Variants in LDLRAD4 observed in about 807,000 individuals in gnomAD.
LDLRAD4 encodes low-density lipoprotein receptor class A domain-containing protein 4.
LDLRAD4 carries 5 observed loss-of-function variants against 17.0 expected under a neutral mutation model. The ratio of observed to expected loss-of-function variants is 0.29; its 90% CI spans 0.15 to 0.62. LDLRAD4 has a LOEUF of 0.62. Ranked by LOEUF, LDLRAD4 falls within the 20% of genes least tolerant of loss-of-function variation. The pLI is 0.84. For synonymous variants in LDLRAD4, 168 were observed against 171.8 expected (o/e 0.98, Z 0.17); for missense variants, 340 against 424.7 (o/e 0.80, Z 1.75).
At chr18:13,227,175 G>A (rs2041854828) in intron 1 of LDLRAD4, among the ~76,000 whole-genome samples, 1 of 152,166 alleles carries the variant, frequency 6.6e-6, no homozygotes, top group Non-Finnish European at 1.5e-5. Flanking sequence ...TTTCCTCCAA[G>A]GCATCAGCCC....
chr18:13,642,196 G>A, intron 4 of LDLRAD4: 1 of 985,682 alleles, frequency 1.0e-6, no homozygotes, highest in South Asian at 4.7e-5. Context: ...GGACAAACGC[G>A]GGGCTCGGTG....
chr18:13,619,608 C>T (rs1363919951), intron 3 of LDLRAD4, among the ~76,000 whole-genome samples: 4 of 152,014 alleles, frequency 2.6e-5, no homozygotes, highest in South Asian at 2.1e-4. Flanking sequence ...AAGGCTGGGC[C>T]GGGCACCAGG....
chr18:13,329,384 T>G (rs2081723034), intron 1 of LDLRAD4, among the ~76,000 whole-genome samples: 1 of 152,228 alleles, frequency 6.6e-6, no homozygotes. Context: ...TTATTTTAAT[T>G]TGCATTTATT....
chr18:13,322,307 TTTTTG>T (rs1324256487), intron 1 of LDLRAD4, among the ~76,000 whole-genome samples: 9 of 146,964 alleles, frequency 6.1e-5, no homozygotes, highest in African/African-American at 1.5e-4. Flanking sequence ...TTTTTTTTTT[TTTTTG>T]GTTTTGAGAC....
At chr18:13,325,774 A>G in intron 1 of LDLRAD4, among the ~76,000 whole-genome samples, 1 of 147,796 alleles carries the variant, frequency 6.8e-6, no homozygotes, top group African/African-American at 2.5e-5. Context: ...TTTTTTTGAG[A>G]CGGAGTCTTG....
At chr18:13,273,497 G>A (rs1413370140), upstream of LDLRAD4, among the ~76,000 whole-genome samples, 1 of 152,082 alleles carries the variant, frequency 6.6e-6, no homozygotes, top group Non-Finnish European at 1.5e-5. Flanking sequence ...ACAGGATCTT[G>A]CTATATTGCT....
intron 2 of LDLRAD4, among the ~76,000 whole-genome samples, chr18:13,412,921 G>A (rs1280512451): frequency 6.6e-6 from 1 of 152,234 alleles, no homozygotes; most frequent in East Asian, 1.9e-4. Flanking sequence ...GAAGTTCATA[G>A]TTGAAGACTG....
intron 1 of LDLRAD4, among the ~76,000 whole-genome samples, chr18:13,246,720 C>T (rs534961042): frequency 9.4e-4 from 143 of 152,278 alleles, no homozygotes; most frequent in Non-Finnish European, 1.6e-3. Flanking sequence ...CTGTGGAGTG[C>T]GCCATGTCAG....
At chr18:13,578,366 T>G (rs1366705947) in intron 3 of LDLRAD4, among the ~76,000 whole-genome samples, 1 of 152,200 alleles carries the variant, frequency 6.6e-6, no homozygotes, top group Admixed American at 6.5e-5. Flanking sequence ...AAAACTAGAT[T>G]GACTAATCTG....
chr18:13,433,814 A>T (rs1342465619), intron 2 of LDLRAD4, among the ~76,000 whole-genome samples: 2 of 152,180 alleles, frequency 1.3e-5, no homozygotes, highest in Non-Finnish European at 2.9e-5. Flanking sequence ...AAATATTAGG[A>T]CATTCCCTTT....
Position 13,546,291 on chromosome 18 carries a change from C to T in LDLRAD4, c.182-74826C>T, listed in dbSNP as rs1010655068. Among the ~76,000 whole-genome samples the T allele has an allele frequency of 2.0e-5, 3 of 152,272 alleles. No individual in the cohort carries two copies. The East Asian group carries it at 5.8e-4, about 29-fold the overall frequency. On this transcript the variant is annotated intron_variant, in intron 3 of 5. Coordinates refer to ENST00000359446, the Ensembl canonical transcript of LDLRAD4. ...CCGGGGAACCAGCAGGCCAACTCCA[C>T]CACTAACTGCTGCTCGGGAGTAATT...
intron 3 of LDLRAD4, among the ~76,000 whole-genome samples, chr18:13,477,313 A>C (rs1213526159): frequency 6.6e-6 from 1 of 152,166 alleles, no homozygotes; most frequent in East Asian, 1.9e-4. Context: ...ACAAGGAAGG[A>C]GGTCCATGAG....
At chr18:13,567,783 T>G (rs1203090725) in intron 3 of LDLRAD4, among the ~76,000 whole-genome samples, 1 of 152,166 alleles carries the variant, frequency 6.6e-6, no homozygotes, top group Non-Finnish European at 1.5e-5. Context: ...TTTGCTTATT[T>G]TAAAAATAGA....
chr18:13,425,595 C>G (rs1353454939), intron 2 of LDLRAD4, among the ~76,000 whole-genome samples: 1 of 152,136 alleles, frequency 6.6e-6, no homozygotes, highest in East Asian at 1.9e-4. Context: ...GTGGTTTTTC[C>G]AGGTAGATGT....
intron 1 of LDLRAD4, among the ~76,000 whole-genome samples, chr18:13,352,956 T>C (rs1264300060): frequency 1.3e-5 from 2 of 152,228 alleles, no homozygotes. Flanking sequence ...TTCCATTTTA[T>C]AATTTCTGTC....
chr18:13,224,593 C>T (rs1233510761), intron 1 of LDLRAD4, among the ~76,000 whole-genome samples: 2 of 146,032 alleles, frequency 1.4e-5, no homozygotes, highest in East Asian at 4.1e-4. Flanking sequence ...CATTCTCCTG[C>T]CTCAGCTTCC....
chr18:13,436,057 A>G (rs1354511570), intron 2 of LDLRAD4, among the ~76,000 whole-genome samples: 1 of 152,262 alleles, frequency 6.6e-6, no homozygotes, highest in Non-Finnish European at 1.5e-5. Context: ...TTATTCATTT[A>G]TTCAACAAAT....
chr18:13,231,248 G>A (rs189971067), intron 1 of LDLRAD4, among the ~76,000 whole-genome samples: 214 of 152,302 alleles, frequency 1.4e-3, no homozygotes, highest in African/African-American at 4.7e-3. Context: ...GGTCTGGACC[G>A]GTTTTGCTTG....
intron 3 of LDLRAD4, among the ~76,000 whole-genome samples, chr18:13,557,514 C>T (rs1484516948): frequency 6.6e-6 from 1 of 152,210 alleles, no homozygotes; most frequent in Non-Finnish European, 1.5e-5. Flanking sequence ...CATTCTCCTG[C>T]CTCAGCCTCC....
Sources: allele counts gnomAD v4.1 joint callset (sites outside exome capture counted in the v4.1 genomes callset), GRCh38; gene constraint gnomAD v4.1.1; transcripts MANE v1.5; gene names NCBI Gene and HGNC (gene_info 2026-07-23, HGNC 2026-07-21).